CTDSPL2: variants seen among roughly 807,000 people sequenced by gnomAD.
CTDSPL2 encodes the protein CTD small phosphatase like 2, also known as CTD small phosphatase-like protein 2.
A neutral mutation model predicts 60.0 loss-of-function variants in CTDSPL2; 5 were observed. That is an observed-to-expected ratio of 0.08 (90% confidence interval 0.04 to 0.18). The LOEUF is 0.18. Among genes scored for constraint, CTDSPL2 ranks in the 10% least tolerant of loss-of-function variants. The pLI is 1.00. For missense variants in CTDSPL2, 370 were observed against 548.8 expected, an observed-to-expected ratio of 0.67 and a Z score of 3.26; for synonymous variants, 186 against 189.3, an observed-to-expected ratio of 0.98 and a Z score of 0.14.
intron 2 of CTDSPL2, among the ~76,000 whole-genome samples, chr15:44,462,356 A>C (rs922220768): frequency 6.6e-6 from 1 of 152,142 alleles, no homozygotes; most frequent in Non-Finnish European, 1.5e-5. Flanking sequence ...CCGTTTTGGC[A>C]CTAGCAGCTG....
chr15:44,450,184 A>G (rs1207703211), intron 1 of CTDSPL2, among the ~76,000 whole-genome samples: 1 of 152,038 alleles, frequency 6.6e-6, no homozygotes, highest in Admixed American at 6.6e-5. Context: ...AAAAGAGGGA[A>G]TTGGAGGTAA....
At chr15:44,446,838 CT>C in intron 1 of CTDSPL2, among the ~76,000 whole-genome samples, 1 of 147,242 alleles carries the variant, frequency 6.8e-6, no homozygotes, top group Non-Finnish European at 1.5e-5. Flanking sequence ...TCACTGCAAC[CT>C]CTGCTCTCGG....
intron 8 of CTDSPL2, among the ~76,000 whole-genome samples, chr15:44,500,220 T>C (rs1421873362): frequency 1.3e-5 from 2 of 152,212 alleles, no homozygotes; most frequent in African/African-American, 4.8e-5. Context: ...ATAGTAGTAA[T>C]GTGGTCTGTG....
In CTDSPL2 at chr15:44,524,522, G is replaced by T; in HGVS notation, c.*348G>T. ...TTATGATAATAACAGAGATGAAAAT[G>T]GACTTTTATTTTCTCTCTGTTTGGT... is the stretch of plus-strand genomic sequence containing the variant. On this transcript the variant is annotated 3_prime_UTR_variant, in exon 13 of 13. Coordinates refer to ENST00000260327, the MANE Select transcript of CTDSPL2 (RefSeq NM_016396.3). The T allele has an allele frequency of 5.3e-6, 1 of 188,952 alleles. No individual in the cohort carries two copies. Among genetic ancestry groups the T allele is most frequent in the Middle Eastern group, 2.2e-3 (1 of 460 alleles). 11.7% of individuals were successfully genotyped at this position (188,952 alleles called of 1,614,324 possible). A position where few individuals can be genotyped will look rare whatever the true frequency, so the allele number is the denominator to read the frequency against.
Position 44,484,205 on chromosome 15 carries a change from T to G in CTDSPL2, c.187-19T>G, listed in dbSNP as rs776537810. On this transcript the variant is annotated intron_variant, in intron 2 of 12. Transcript: ENST00000260327. ...GAATGATTGTGCTTAGTGTGTTTTT[T>G]TTTCTCTTATATCTTAAGGAAGAGA... 3.2e-6 allele frequency: 5 copies of G among 1,583,242 alleles called. No individual in the cohort carries two copies. The highest frequency in any genetic ancestry group is 1.9e-5 in the Admixed American group (1 of 52,152).
At chr15:44,470,229 T>A (rs1294129595) in intron 2 of CTDSPL2, among the ~76,000 whole-genome samples, 2 of 152,046 alleles carry the variant, frequency 1.3e-5, no homozygotes, top group Non-Finnish European at 2.9e-5. Flanking sequence ...TACTTCATTA[T>A]CTGTCAATAT....
At position 44,519,153 on chromosome 15, in the gene CTDSPL2, T is replaced by C. The variant is rs1467785772; in HGVS notation, c.1113-16T>C. On this transcript the variant is annotated splice_polypyrimidine_tract_variant and intron_variant, in intron 10 of 12. Coordinates refer to ENST00000260327, the MANE Select transcript of CTDSPL2 (RefSeq NM_016396.3). ...AAAGTTTTTTTTTTTTAATTTGTTT[T>C]TATTTTTATGTTTAGGCACCGGCTT... 1.4e-6 allele frequency: 2 copies of C among 1,477,858 alleles called. No homozygotes were observed. Among genetic ancestry groups the C allele is most frequent in the Non-Finnish European group, 1.8e-6 (2 of 1,119,974 alleles). The allele number at this position is 1,477,858 out of a possible 1,614,324, so 91.5% of individuals were successfully genotyped here. A position where few individuals can be genotyped will look rare whatever the true frequency, so the allele number is the denominator to read the frequency against.
intron 2 of CTDSPL2, among the ~76,000 whole-genome samples, chr15:44,483,974 A>G (rs1423946804): frequency 1.3e-5 from 2 of 152,184 alleles, no homozygotes; most frequent in African/African-American, 4.8e-5. Flanking sequence ...TGGAAAACTT[A>G]ATGGACCTTG....
At chr15:44,456,970 G>A (rs939528296) in intron 1 of CTDSPL2, among the ~76,000 whole-genome samples, 1 of 148,464 alleles carries the variant, frequency 6.7e-6, no homozygotes, top group African/African-American at 2.5e-5. Flanking sequence ...TCAACCTCCT[G>A]GGCTTCAGTG....
At chr15:44,460,542 T>C (rs1354509483) in intron 2 of CTDSPL2, among the ~76,000 whole-genome samples, 1 of 152,218 alleles carries the variant, frequency 6.6e-6, no homozygotes. Context: ...AATGGAAGTG[T>C]ATTACTTTCT....
intron 7 of CTDSPL2, among the ~76,000 whole-genome samples, chr15:44,498,899 T>G (rs1404210887): frequency 6.6e-6 from 1 of 152,132 alleles, no homozygotes; most frequent in Non-Finnish European, 1.5e-5. Flanking sequence ...TGTGAGATAC[T>G]AAAACATCTA....
intron 1 of CTDSPL2, among the ~76,000 whole-genome samples, chr15:44,445,178 T>C (rs1341954216): frequency 6.7e-6 from 1 of 149,834 alleles, no homozygotes; most frequent in Non-Finnish European, 1.5e-5. Context: ...ATAGGTTAGG[T>C]TCCAGATTTT....
At chr15:44,497,622 G>A (rs544288303) in intron 7 of CTDSPL2, among the ~76,000 whole-genome samples, 8 of 152,062 alleles carry the variant, frequency 5.3e-5, no homozygotes, top group African/African-American at 1.2e-4. Flanking sequence ...CGCCCGCCTC[G>A]GCCTCCCAAA....
chr15:44,443,061 A>G (rs1395317825), intron 1 of CTDSPL2, among the ~76,000 whole-genome samples: 1 of 152,186 alleles, frequency 6.6e-6, no homozygotes, highest in Non-Finnish European at 1.5e-5. Flanking sequence ...ATGAAGATCT[A>G]TAGTTTTGTT....
At chr15:44,444,338 CACAG>C (rs966658412) in intron 1 of CTDSPL2, among the ~76,000 whole-genome samples, 15 of 148,660 alleles carry the variant, frequency 1.0e-4, no homozygotes, top group African/African-American at 3.4e-4. Flanking sequence ...CACACACACA[CACAG>C]ACACAGAGAC....
At chr15:44,505,424 G>GA (rs909203150) in intron 8 of CTDSPL2, among the ~76,000 whole-genome samples, 3 of 150,258 alleles carry the variant, frequency 2.0e-5, no homozygotes, top group Non-Finnish European at 3.0e-5. Context: ...GTCTCAAAAA[G>GA]AAAAAAAAGA....
chr15:44,508,754 C>A (rs1031782581), intron 8 of CTDSPL2, among the ~76,000 whole-genome samples: 1 of 152,020 alleles, frequency 6.6e-6, no homozygotes, highest in Non-Finnish European at 1.5e-5. Context: ...AACCCTGTGT[C>A]TACTAAAAAT....
chr15:44,435,959 CTTGAT>C (rs1262962975), intron 1 of CTDSPL2, among the ~76,000 whole-genome samples: 1 of 152,062 alleles, frequency 6.6e-6, no homozygotes, highest in African/African-American at 2.4e-5. Context: ...CCCTAGTTGT[CTTGAT>C]TTTTTTTCTT....
intron 12 of CTDSPL2, among the ~76,000 whole-genome samples, chr15:44,521,937 C>CAAAAAAAAAA (rs904398715): frequency 6.6e-5 from 4 of 60,776 alleles, no homozygotes; most frequent in African/African-American, 3.3e-4. Context: ...GACTCCGTCT[C>CAAAAAAAAAA]AAAAAAAAAA....
Sources: gnomAD v4.1 joint callset for allele counts (sites outside exome capture counted in the v4.1 genomes callset) on GRCh38, gnomAD v4.1.1 for gene constraint, MANE v1.5 for transcripts, NCBI Gene and HGNC (gene_info 2026-07-23, HGNC 2026-07-21) for gene names.